Variants in SPECC1 observed in about 807,000 individuals in gnomAD.
SPECC1 encodes the protein cytospin-B.
SPECC1 carries 62 observed loss-of-function variants against 104.1 expected under a neutral mutation model. The observed-to-expected ratio is 0.60, with a 90% CI of 0.49 to 0.74. The LOEUF (loss-of-function observed/expected upper bound fraction) is 0.74. Among genes scored for constraint, SPECC1 ranks in the 30% least tolerant of loss-of-function variants. The pLI, the probability that SPECC1 is intolerant of heterozygous loss-of-function variation, is 0.00. For synonymous variants in SPECC1, 513 were observed against 501.6 expected (o/e 1.02, Z -0.30); for missense variants, 1,306 against 1,310.5 (o/e 1.00, Z 0.05).
At chr17:20,079,999 G>C (rs952065248) in intron 1 of SPECC1, among the ~76,000 whole-genome samples, 1 of 152,158 alleles carries the variant, frequency 6.6e-6, no homozygotes, top group Non-Finnish European at 1.5e-5. Flanking sequence ...CTGTTTCCCA[G>C]ATTTTAGTTC....
Position 20,151,332 on chromosome 17 carries a change from A to G in SPECC1, c.283+40770A>G, listed in dbSNP as rs192334102. ...GCCGCAGCTCCTAGTCAGCCCTGCA[A>G]TCATGGGGGTAAACCTTCAACAGTA... On this transcript the variant is annotated intron_variant, in intron 3 of 14. Coordinates refer to ENST00000395527, the MANE Select transcript of SPECC1 (RefSeq NM_001243439.2). Among the ~76,000 whole-genome samples, 33 of 152,354 alleles carry G rather than the reference A, an allele frequency of 2.2e-4. 1 individual carries two copies. The East Asian group carries it at 6.0e-3, about 28-fold the overall frequency.
chr17:20,059,510 A>G (rs2046100522), intron 1 of SPECC1, among the ~76,000 whole-genome samples: 1 of 152,188 alleles, frequency 6.6e-6, no homozygotes, highest in Admixed American at 6.5e-5. Flanking sequence ...GATTTAGATC[A>G]TCAACTCTGC....
At chr17:20,013,759 G>A (rs1389063957) in intron 1 of SPECC1, among the ~76,000 whole-genome samples, 1 of 149,786 alleles carries the variant, frequency 6.7e-6, no homozygotes, top group Non-Finnish European at 1.5e-5. Flanking sequence ...TGCCTTACCC[G>A]CCCAAAGTGC....
At chr17:20,166,325 G>T (rs1246757301) in intron 3 of SPECC1, among the ~76,000 whole-genome samples, 5 of 152,116 alleles carry the variant, frequency 3.3e-5, no homozygotes, top group African/African-American at 1.2e-4. Context: ...ATCATGGAAT[G>T]GTTAATATAT....
chr17:20,134,319 T>A (rs2049812441), intron 3 of SPECC1, among the ~76,000 whole-genome samples: 1 of 151,268 alleles, frequency 6.6e-6, no homozygotes, highest in Non-Finnish European at 1.5e-5. Context: ...ATATAACCAG[T>A]CTCAAATCCT....
chr17:20,145,995 C>T (rs34712254), intron 3 of SPECC1, among the ~76,000 whole-genome samples: 44,394 of 152,160 alleles, frequency 0.29, 8,283 homozygotes, highest in Non-Finnish European at 0.41. Flanking sequence ...TCACCATCAC[C>T]TCCAGACTCC....
intron 3 of SPECC1, among the ~76,000 whole-genome samples, chr17:20,161,471 A>T (rs4925089): frequency 0.29 from 44,358 of 151,484 alleles, 8,269 homozygotes; most frequent in Non-Finnish European, 0.41. Context: ...TTATAGGTTA[A>T]TTCTAAAAAT....
chr17:20,181,664 G>C (rs2034896876), intron 3 of SPECC1, among the ~76,000 whole-genome samples: 1 of 151,718 alleles, frequency 6.6e-6, no homozygotes, highest in Non-Finnish European at 1.5e-5. Flanking sequence ...CTTGACCTAA[G>C]AATAAGAGAA....
At chr17:20,019,763 C>G (rs146118574) in intron 1 of SPECC1, among the ~76,000 whole-genome samples, 1 of 152,178 alleles carries the variant, frequency 6.6e-6, no homozygotes, top group Non-Finnish European at 1.5e-5. Context: ...CACTTCTCTT[C>G]CAGCTTTCCC....
At chr17:20,065,130 T>C (rs186962347) in intron 1 of SPECC1, among the ~76,000 whole-genome samples, 2 of 152,332 alleles carry the variant, frequency 1.3e-5, no homozygotes, top group East Asian at 3.9e-4. Flanking sequence ...AACTGGGTTT[T>C]TCCTCTGCTC....
chr17:20,053,313 A>G (rs1046695200), intron 1 of SPECC1, among the ~76,000 whole-genome samples: 1 of 152,142 alleles, frequency 6.6e-6, no homozygotes, highest in East Asian at 1.9e-4. Context: ...ATGACCATCT[A>G]TGGGTATGTT....
chr17:20,126,010 G>C (rs1462480367), intron 3 of SPECC1, among the ~76,000 whole-genome samples: 1 of 152,170 alleles, frequency 6.6e-6, no homozygotes, highest in African/African-American at 2.4e-5. Context: ...GGGGATGGCA[G>C]CTCTCCTGGG....
chr17:20,219,097 G>A (rs2037697425), intron 4 of SPECC1, among the ~76,000 whole-genome samples: 1 of 152,194 alleles, frequency 6.6e-6, no homozygotes, highest in Non-Finnish European at 1.5e-5. Flanking sequence ...TGTAAATAGT[G>A]CTGCAATAAA....
chr17:20,306,805 G>A (rs2041781448), intron 14 of SPECC1, among the ~76,000 whole-genome samples: 1 of 152,204 alleles, frequency 6.6e-6, no homozygotes, highest in African/African-American at 2.4e-5. Flanking sequence ...GAAGCCCCTG[G>A]GCTGATACTA....
intron 14 of SPECC1, among the ~76,000 whole-genome samples, chr17:20,307,079 A>G (rs540406649): frequency 6.6e-6 from 1 of 152,358 alleles, no homozygotes; most frequent in South Asian, 2.1e-4. Context: ...ATGTGTTGCC[A>G]AACTCATTAG....
At chr17:20,109,187 T>G (rs2048365704) in intron 2 of SPECC1, among the ~76,000 whole-genome samples, 1 of 152,230 alleles carries the variant, frequency 6.6e-6, no homozygotes, top group African/African-American at 2.4e-5. Flanking sequence ...ATATTTAAAC[T>G]TCTAACTCTC....
chr17:20,262,917 G>A (rs1184025017), intron 12 of SPECC1, among the ~76,000 whole-genome samples: 3 of 152,024 alleles, frequency 2.0e-5, no homozygotes, highest in Non-Finnish European at 2.9e-5. Context: ...GGCCGAGGGG[G>A]CAGGATTGTT....
chr17:20,132,214 T>G (rs545231780), intron 3 of SPECC1, among the ~76,000 whole-genome samples: 1 of 152,364 alleles, frequency 6.6e-6, no homozygotes, highest in East Asian at 1.9e-4. Context: ...TTTCAGATCT[T>G]GAACCTGCCT....
chr17:20,305,690 T>G, intron 13 of SPECC1: 2 of 226,820 alleles, frequency 8.8e-6, no homozygotes, highest in East Asian at 1.9e-4. Context: ...ACTTTGATAA[T>G]TTTTTTGATA....
Sources: allele counts gnomAD v4.1 joint callset (sites outside exome capture counted in the v4.1 genomes callset), GRCh38; gene constraint gnomAD v4.1.1; transcripts MANE v1.5; gene names NCBI Gene and HGNC (gene_info 2026-07-23, HGNC 2026-07-21).